TXNDC9: variants seen among roughly 807,000 people sequenced by gnomAD.
TXNDC9 encodes thioredoxin domain-containing protein 9.
A neutral mutation model predicts 23.0 loss-of-function variants in TXNDC9; 7 were observed. That is an observed-to-expected ratio of 0.30 (90% CI 0.17 to 0.57). TXNDC9 has a LOEUF of 0.57. Ranked by LOEUF, TXNDC9 falls within the 20% of genes least tolerant of loss-of-function variation. TXNDC9 has a pLI of 0.90. For missense variants in TXNDC9, 198 were observed against 252.6 expected (o/e 0.78, Z 1.47); for synonymous variants, 72 against 90.6 (o/e 0.79, Z 1.17).
chr2:99,318,652 AC>A (rs1182064925), downstream of TXNDC9, among the ~76,000 whole-genome samples: 14 of 151,998 alleles, frequency 9.2e-5, no homozygotes, highest in Non-Finnish European at 1.6e-4. Context: ...TGGAACCTTC[AC>A]TCTACGTACG....
downstream of TXNDC9, among the ~76,000 whole-genome samples, chr2:99,314,529 C>G (rs1009759858): frequency 1.0e-5 from 1 of 97,446 alleles, no homozygotes; most frequent in Non-Finnish European, 1.9e-5. Flanking sequence ...AATACTACAC[C>G]TTTTTTTTTT....
chr2:99,307,368 T>A, the TXNDC9 span: 1 of 150,558 alleles, frequency 6.6e-6, no homozygotes, highest in South Asian at 2.1e-4. Context: ...TTATGAGATG[T>A]CATAAATCTC....
intron 2 of TXNDC9, among the ~76,000 whole-genome samples, chr2:99,331,957 C>T (rs1482083475): frequency 3.9e-5 from 6 of 152,064 alleles, no homozygotes; most frequent in African/African-American, 9.7e-5. Context: ...ATTGAACTCC[C>T]GACCTCAGGT....
downstream of TXNDC9, among the ~76,000 whole-genome samples, chr2:99,318,349 T>C (rs1320319205): frequency 9.9e-5 from 15 of 152,204 alleles, no homozygotes; most frequent in African/African-American, 3.4e-4. Flanking sequence ...CTTTATTAAA[T>C]ATTTTTAGTA....
In TXNDC9 at chr2:99,322,007, T is replaced by A. The variant is rs1463441433; in HGVS notation, c.511A>T (p.Thr171Ser). The A allele has an allele frequency of 6.2e-7, 1 of 1,614,044 alleles. No homozygotes were observed. The highest frequency in any genetic ancestry group is 8.5e-7 in the Non-Finnish European group (1 of 1,179,972). ...AGCCTCCATTCTAAAGTTTCTGTGG[T>A]GAAGTCATCTGTATTTCCTAGGTCA... ...FTDLGNTDDF[T>S]TETLEWRLGS... The change falls in exon 4 of 5, where the codon ACC becomes TCC. Residue 171 changes from threonine (T) to serine (S), a missense_variant. Thr to Ser is a moderately conservative substitution (Grantham distance 58). Coordinates refer to ENST00000264255, the MANE Select transcript of TXNDC9 (RefSeq NM_005783.4).
At chr2:99,315,833 C>T (rs888210503), downstream of TXNDC9, among the ~76,000 whole-genome samples, 1 of 152,124 alleles carries the variant, frequency 6.6e-6, no homozygotes, top group South Asian at 2.1e-4. Flanking sequence ...ACTTTTATTT[C>T]GCTTATCTTT....
At chr2:99,316,691 T>C (rs771870107), downstream of TXNDC9, among the ~76,000 whole-genome samples, 2 of 152,200 alleles carry the variant, frequency 1.3e-5, no homozygotes, top group Non-Finnish European at 2.9e-5. Flanking sequence ...GCTCCTCTAA[T>C]GAATTTTTCA....
chr2:99,307,083 C>CCCTTCTCACTCTCT, the TXNDC9 span, among the ~76,000 whole-genome samples: 2 of 134,554 alleles, frequency 1.5e-5, no homozygotes, highest in African/African-American at 5.3e-5. Context: ...TCCTCCCTTC[C>CCCTTCTCACTCTCT]CCTTCTCACT....
chr2:99,330,939 C>T (rs1017819163), intron 2 of TXNDC9, among the ~76,000 whole-genome samples: 2 of 152,086 alleles, frequency 1.3e-5, no homozygotes, highest in East Asian at 1.9e-4. Flanking sequence ...CTGAATTACT[C>T]GATGACAAAT....
At chr2:99,324,873 A>T (rs6721031) in intron 3 of TXNDC9, among the ~76,000 whole-genome samples, 1 of 152,172 alleles carries the variant, frequency 6.6e-6, no homozygotes, top group Non-Finnish European at 1.5e-5. Context: ...AGCCTCCTGC[A>T]CAACTGGGAC....
chr2:99,310,903 C>A, the TXNDC9 span, among the ~76,000 whole-genome samples: 2 of 152,218 alleles, frequency 1.3e-5, no homozygotes, highest in Admixed American at 6.5e-5. Context: ...TCTTGGCCAT[C>A]GTTTGCCAAA....
At chr2:99,322,694 CTAATAA>C in intron 3 of TXNDC9, 1 of 1,477,984 alleles carries the variant, frequency 6.8e-7, no homozygotes, top group South Asian at 1.4e-5. Context: ...CTAAGGGTTA[CTAATAA>C]TATTTAAATA....
chr2:99,330,313 A>AAAAAAAAAAAAAAAAC, intron 2 of TXNDC9, among the ~76,000 whole-genome samples: 1 of 147,838 alleles, frequency 6.8e-6, no homozygotes, highest in Non-Finnish European at 1.5e-5. Context: ...AAAAAAAAAA[A>AAAAAAAAAAAAAAAAC]AAAAAAGCTG....
chr2:99,306,927 C>T, the TXNDC9 span: 2 of 350,164 alleles, frequency 5.7e-6, no homozygotes, highest in Non-Finnish European at 1.2e-5. Context: ...TAAGAAAAAG[C>T]TGCCAACCCC....
rs574331165 is a variant in TXNDC9 at position 99,323,797 on chromosome 2, C to T, written c.309-1588G>A. Among the ~76,000 whole-genome samples the T allele has an allele frequency of 1.2e-4, 19 of 152,264 alleles. No homozygotes were observed. In the South Asian group the frequency reaches 2.3e-3, roughly 18 times the overall value. ...TTCTAAAACAGACTATTGTAACAATCTTTTAGACCGGTGGTTCTTAACCCC... is the reference window on the plus strand; with the variant it reads ...TTCTAAAACAGACTATTGTAACAATTTTTTAGACCGGTGGTTCTTAACCCC... On this transcript the variant is annotated intron_variant, in intron 3 of 4. Transcript: ENST00000264255.
chr2:99,307,039 C>CCTTTTTCCT, the TXNDC9 span, among the ~76,000 whole-genome samples: 1 of 88,470 alleles, frequency 1.1e-5, no homozygotes, highest in Non-Finnish European at 2.4e-5. Flanking sequence ...TCTTCCTTTT[C>CCTTTTTCCT]TTTCTTCCTT....
At chr2:99,307,017 T>TCCCCCCCCCCC in the TXNDC9 span, among the ~76,000 whole-genome samples, 1 of 116,544 alleles carries the variant, frequency 8.6e-6, no homozygotes, top group Admixed American at 9.0e-5. Context: ...CTCCCTCCCT[T>TCCCCCCCCCCC]CCTTCCTTCC....
chr2:99,317,202 C>T (rs999023793), downstream of TXNDC9, among the ~76,000 whole-genome samples: 1 of 152,142 alleles, frequency 6.6e-6, no homozygotes, highest in Non-Finnish European at 1.5e-5. Flanking sequence ...CTGCTTCCAA[C>T]CTATTGACCC....
the TXNDC9 span, among the ~76,000 whole-genome samples, chr2:99,308,309 A>G: frequency 6.6e-6 from 1 of 152,172 alleles, no homozygotes; most frequent in Non-Finnish European, 1.5e-5. Flanking sequence ...ATTATTGATT[A>G]CAATCCAAAT....
Sources: gnomAD v4.1 joint callset for allele counts (sites outside exome capture counted in the v4.1 genomes callset) on GRCh38, gnomAD v4.1.1 for gene constraint, MANE v1.5 for transcripts, NCBI Gene and HGNC (gene_info 2026-07-23, HGNC 2026-07-21) for gene names.